Variants in ANKRD29 observed in about 807,000 individuals in gnomAD.
ANKRD29 encodes the protein ankyrin repeat domain-containing protein 29.
Under a neutral mutation model 38.0 loss-of-function variants are expected in ANKRD29, and 32 were observed. That is an observed-to-expected ratio of 0.84 (90% CI 0.64 to 1.13). The LOEUF (loss-of-function observed/expected upper bound fraction) is 1.13. Among genes scored for constraint, ANKRD29 ranks in the 50% most tolerant of loss-of-function variants. ANKRD29 has a pLI of 0.00. For synonymous variants in ANKRD29, 135 were observed against 152.4 expected, an observed-to-expected ratio of 0.89 and a Z score of 0.84; for missense variants, 357 against 377.9, an observed-to-expected ratio of 0.94 and a Z score of 0.46.
intron 9 of ANKRD29, among the ~76,000 whole-genome samples, chr18:23,602,450 G>T (rs2059526276): frequency 6.6e-6 from 1 of 152,120 alleles, no homozygotes; most frequent in South Asian, 2.1e-4. Context: ...TCACTCGAAG[G>T]CCTTTCTTTT....
At chr18:23,653,136 A>C (rs1263278047) in intron 1 of ANKRD29, among the ~76,000 whole-genome samples, 3 of 152,186 alleles carry the variant, frequency 2.0e-5, no homozygotes, top group Non-Finnish European at 4.4e-5. Flanking sequence ...TACACTCTCT[A>C]TGTCTGTAGT....
intron 6 of ANKRD29, among the ~76,000 whole-genome samples, chr18:23,628,761 G>C (rs1346350457): frequency 6.6e-6 from 1 of 151,168 alleles, no homozygotes; most frequent in Non-Finnish European, 1.5e-5. Flanking sequence ...AAGAACCCAG[G>C]AGGCGAAGGT....
rs191604643 is a variant in ANKRD29, at chr18:23,611,030, A to G, written c.822+1062T>C. ...AGGCTACTCTCCTCTGCTGCAATCTATACATGTGCCAGCTTAAGCAGATGT... is the reference window on the plus strand; with the variant it reads ...AGGCTACTCTCCTCTGCTGCAATCTGTACATGTGCCAGCTTAAGCAGATGT... On this transcript the variant is annotated intron_variant, in intron 9 of 9. Transcript: ENST00000592179. Among the ~76,000 whole-genome samples the G allele has an allele frequency of 2.0e-5, 3 of 152,378 alleles. No individual in the cohort carries two copies. In the East Asian group the frequency reaches 5.8e-4, roughly 29 times the overall value.
At chr18:23,617,666 C>T (rs573084609) in intron 8 of ANKRD29, 66 bp downstream of exon 8, 3 of 1,390,248 alleles carry the variant, frequency 2.2e-6, no homozygotes, top group African/African-American at 1.4e-5. Context: ...CGACACAGTC[C>T]CCAAGTGAGG....
At chr18:23,611,177 G>A (rs1259589157) in intron 9 of ANKRD29, among the ~76,000 whole-genome samples, 4 of 152,202 alleles carry the variant, frequency 2.6e-5, no homozygotes, top group Non-Finnish European at 5.9e-5. Flanking sequence ...GGTTTGTTTT[G>A]TAACAGTGGC....
intron 1 of ANKRD29, among the ~76,000 whole-genome samples, chr18:23,654,964 C>T (rs906640834): frequency 2.0e-5 from 3 of 152,088 alleles, no homozygotes; most frequent in African/African-American, 7.2e-5. Flanking sequence ...CTTATTAATT[C>T]AATCAAGAGA....
intron 5 of ANKRD29, 93 bp downstream of exon 5, chr18:23,633,958 T>A (rs2059967221): frequency 1.6e-6 from 2 of 1,265,332 alleles, no homozygotes; most frequent in Non-Finnish European, 2.3e-6. Context: ...TCCATTAAAG[T>A]ATTTTTGAAG....
chr18:23,626,065 C>G (rs7231977), intron 6 of ANKRD29, among the ~76,000 whole-genome samples: 6 of 152,192 alleles, frequency 3.9e-5, no homozygotes, highest in Admixed American at 2.0e-4. Context: ...TGCCAAGCAG[C>G]AAGGACTTCC....
At chr18:23,638,179 T>A (rs1370109516) in intron 4 of ANKRD29, among the ~76,000 whole-genome samples, 1 of 151,948 alleles carries the variant, frequency 6.6e-6, no homozygotes, top group African/African-American at 2.4e-5. Flanking sequence ...TTTTTGTATT[T>A]TTAGTAGAGA....
At chr18:23,627,764 C>T (rs2145679668) in intron 6 of ANKRD29, among the ~76,000 whole-genome samples, 1 of 152,186 alleles carries the variant, frequency 6.6e-6, no homozygotes, top group African/African-American at 2.4e-5. Flanking sequence ...TAATGGCCCC[C>T]AAATCAAACT....
chr18:23,609,574 A>T (rs1284295223), intron 9 of ANKRD29, among the ~76,000 whole-genome samples: 1 of 152,192 alleles, frequency 6.6e-6, no homozygotes, highest in Admixed American at 6.5e-5. Flanking sequence ...GGGCGGTTAC[A>T]CTTGCTTGGA....
chr18:23,601,410 G>GA (rs1435501128), intron 9 of ANKRD29, 101 bp from the exon 10 acceptor site: 5 of 873,404 alleles, frequency 5.7e-6, no homozygotes, highest in South Asian at 4.5e-5. Context: ...CTTCACTAAT[G>GA]AAAAAAATCC....
rs74348405 is a variant in ANKRD29, at chr18:23,633,064, T to G, written c.429+987A>C. Among the ~76,000 whole-genome samples the G allele has an allele frequency of 7.1e-3, 1,074 of 152,330 alleles. 12 individuals are homozygous for G. The highest frequency in any genetic ancestry group is 0.025 in the African/African-American group (1,032 of 41,564). On this transcript the variant is annotated intron_variant, in intron 5 of 9. Coordinates refer to ENST00000592179, the MANE Select transcript of ANKRD29 (RefSeq NM_173505.4). ...TAATTGGAAGTAGGAATTTTTCCAC[T>G]CTTCACCATGAGACTGTCAAGTCTA...
At chr18:23,646,133 A>G in intron 3 of ANKRD29, 56 bp downstream of exon 3, 2 of 1,535,868 alleles carry the variant, frequency 1.3e-6, no homozygotes, top group South Asian at 2.3e-5. Flanking sequence ...CACTATCATG[A>G]AAACTTCAGA....
At chr18:23,646,105 T>C (rs2060136101) in intron 3 of ANKRD29, 84 bp downstream of exon 3, 1 of 1,270,272 alleles carries the variant, frequency 7.9e-7, no homozygotes, top group South Asian at 1.3e-5. Context: ...ATGATGGCTC[T>C]TGTCCCCCAT....
intron 4 of ANKRD29, among the ~76,000 whole-genome samples, chr18:23,635,175 C>T (rs560076123): frequency 2.6e-5 from 4 of 151,492 alleles, no homozygotes; most frequent in African/African-American, 7.3e-5. Context: ...AGGCTGGGGT[C>T]GGAAGATCAA....
At chr18:23,652,379 G>T (rs532115108) in intron 1 of ANKRD29, among the ~76,000 whole-genome samples, 1 of 152,278 alleles carries the variant, frequency 6.6e-6, no homozygotes, top group East Asian at 1.9e-4. Context: ...GCTTGAGGCT[G>T]CCCTTTAACT....
intron 3 of ANKRD29, among the ~76,000 whole-genome samples, chr18:23,642,979 C>A (rs2060096600): frequency 6.6e-6 from 1 of 152,212 alleles, no homozygotes; most frequent in Non-Finnish European, 1.5e-5. Context: ...TCACATACTT[C>A]TCTTGGGGAG....
intron 9 of ANKRD29, chr18:23,609,331 C>T (rs559859847): frequency 6.6e-6 from 1 of 152,108 alleles, no homozygotes; most frequent in South Asian, 2.1e-4. Flanking sequence ...ACTTTGACCC[C>T]CTATGATTCC....
Sources: gnomAD v4.1 joint callset for allele counts (sites outside exome capture counted in the v4.1 genomes callset) on GRCh38, gnomAD v4.1.1 for gene constraint, MANE v1.5 for transcripts, NCBI Gene and HGNC (gene_info 2026-07-23, HGNC 2026-07-21) for gene names.